Variants in MYO1E observed in about 807,000 individuals in gnomAD.
The protein encoded by MYO1E is unconventional myosin-Ie.
Under a neutral mutation model 151.1 loss-of-function variants are expected in MYO1E, and 68 were observed. The observed-to-expected ratio is 0.45, with a 90% confidence interval of 0.37 to 0.55. The LOEUF (loss-of-function observed/expected upper bound fraction) is 0.55. Among genes scored for constraint, MYO1E ranks in the 20% least tolerant of loss-of-function variants. The pLI, the probability that MYO1E is intolerant of heterozygous loss-of-function variation, is 0.00. For missense variants in MYO1E, 1,363 were observed against 1,389.3 expected (o/e 0.98, Z 0.30); for synonymous variants, 601 against 501.7 (o/e 1.20, Z -2.64).
At chr15:59,208,060 GA>G (rs760114096) in intron 14 of MYO1E, 2 of 1,584,156 alleles carry the variant, frequency 1.3e-6, no homozygotes, top group African/African-American at 2.7e-5. Flanking sequence ...AACACTCTGG[GA>G]AATTCAGAAT....
In MYO1E at chr15:59,245,232, G is replaced by A. The variant is rs941955321; in HGVS notation, c.333-8560C>T. ...AGGCAGGAAGATAGCTTGAGAATCC[G>A]GAGACACCTGATGGTGCCACAGCAA... On this transcript the variant is annotated intron_variant, in intron 4 of 27. Coordinates refer to ENST00000288235, the MANE Select transcript of MYO1E (RefSeq NM_004998.4). Among the ~76,000 whole-genome samples, 7 of 152,292 alleles carry A rather than the reference G, an allele frequency of 4.6e-5. No individual in the cohort carries two copies. The East Asian group carries it at 9.6e-4, about 21-fold the overall frequency.
intron 18 of MYO1E, among the ~76,000 whole-genome samples, chr15:59,182,713 T>C (rs573680131): frequency 6.6e-6 from 1 of 151,938 alleles, no homozygotes; most frequent in Non-Finnish European, 1.5e-5. Flanking sequence ...CTACTCAGAG[T>C]GCGGCACAGC....
chr15:59,202,366 T>C lies in MYO1E; in HGVS notation c.1658A>G (p.Asp553Gly). Residue 553 changes from aspartate to glycine, a missense_variant, in exon 16 of 28, where the codon GAC becomes GGC. Transcript: ENST00000288235. ...KSLFPENLQA[D>G]KKGRPTTAGS... ...GGCAGTAGTTGGGCGCCCTTTCTTG[T>C]CAGCCTGCAGATTTTCCGGAAATAA... 6.2e-7 allele frequency: 1 copy of C among 1,614,146 alleles called. No homozygotes were observed. Among genetic ancestry groups the C allele is most frequent in the Non-Finnish European group, 8.5e-7 (1 of 1,180,004 alleles).
At position 59,137,002 on chromosome 15, in the gene MYO1E, A is replaced by C. The variant is rs1165025643; in HGVS notation, c.*378T>G. On this transcript the variant is annotated 3_prime_UTR_variant, in exon 28 of 28. Coordinates refer to ENST00000288235, the MANE Select transcript of MYO1E (RefSeq NM_004998.4). Reference sequence around the variant, plus strand: ...AGAAATGTGCTCTTCAACTAAAGGCACTTGTCAGCGGCCACCTACAGCCAT... The same window carrying C: ...AGAAATGTGCTCTTCAACTAAAGGCCCTTGTCAGCGGCCACCTACAGCCAT... The C allele has an allele frequency of 8.2e-6, 3 of 365,190 alleles. No individual in the cohort carries two copies. Among genetic ancestry groups the C allele is most frequent in the Non-Finnish European group, 1.6e-5 (3 of 186,626 alleles). The allele number at this position is 365,190 out of a possible 1,614,324, so 22.6% of individuals were successfully genotyped here.
intron 2 of MYO1E, among the ~76,000 whole-genome samples, chr15:59,268,720 ATTTTTTTTTTTTTT>A (rs398027512): frequency 2.2e-5 from 1 of 44,906 alleles, no homozygotes; most frequent in Non-Finnish European, 4.9e-5. Flanking sequence ...TGACTTTGGT[ATTTTTTTTTTTTTT>A]TTTTTTTGCT....
At chr15:59,318,642 T>G (rs191549050) in intron 1 of MYO1E, among the ~76,000 whole-genome samples, 1 of 152,264 alleles carries the variant, frequency 6.6e-6, no homozygotes. Context: ...TTACTGCAGT[T>G]TGGGGGTAGA....
At chr15:59,238,852 T>A (rs2080082056) in intron 4 of MYO1E, among the ~76,000 whole-genome samples, 1 of 151,956 alleles carries the variant, frequency 6.6e-6, no homozygotes, top group South Asian at 2.1e-4. Context: ...ATTACAGGTG[T>A]GAGCCACGAC....
intron 6 of MYO1E, 54 bp from the exon 7 acceptor site, chr15:59,227,644 C>A (rs1170232749): frequency 1.3e-6 from 2 of 1,599,938 alleles, no homozygotes; most frequent in African/African-American, 2.7e-5. Flanking sequence ...ACATGATGTC[C>A]CAAACAGGCT....
intron 17 of MYO1E, among the ~76,000 whole-genome samples, chr15:59,194,973 G>A (rs1202204854): frequency 3.3e-5 from 5 of 152,250 alleles, no homozygotes; most frequent in Non-Finnish European, 4.4e-5. Flanking sequence ...GGTGCTTAGG[G>A]GGAATGCCAG....
At chr15:59,218,214 C>T (rs1227900836) in intron 9 of MYO1E, 127 bp from the exon 10 acceptor site, 2 of 1,107,538 alleles carry the variant, frequency 1.8e-6, no homozygotes, top group South Asian at 1.3e-5. Context: ...AATCACGGGC[C>T]CCAAGAGCTT....
chr15:59,214,045 C>T lies in MYO1E; in HGVS notation c.1275+183G>A, dbSNP rs144591104. ...TAAAGAAGAAGGCAAATGCTGCAGACGGTATTTATATTTCATAGATTAAAA... is the reference window on the plus strand; with the variant it reads ...TAAAGAAGAAGGCAAATGCTGCAGATGGTATTTATATTTCATAGATTAAAA... On this transcript the variant is annotated intron_variant, in intron 12 of 27. Transcript: ENST00000288235. Among the ~76,000 whole-genome samples, 288 of 152,220 alleles carry T rather than the reference C, an allele frequency of 1.9e-3. 1 individual carries two copies. Among genetic ancestry groups the T allele is most frequent in the African/African-American group, 4.9e-3 (205 of 41,518 alleles).
intron 10 of MYO1E, among the ~76,000 whole-genome samples, chr15:59,217,540 T>TTTTTTTA (rs2079926795): frequency 7.2e-6 from 1 of 139,840 alleles, no homozygotes; most frequent in Admixed American, 7.1e-5. Flanking sequence ...TTTTTTTTTT[T>TTTTTTTA]TGGGAGATAG....
chr15:59,224,961 A>C, intron 7 of MYO1E, 138 bp from the exon 8 acceptor site: 2 of 1,150,172 alleles, frequency 1.7e-6, no homozygotes, highest in Non-Finnish European at 2.5e-6. Flanking sequence ...GCCCCCAAAT[A>C]TGTACTTGTA....
Position 59,236,364 on chromosome 15 carries a change from ATAT to A in MYO1E, c.420+218_420+220del, listed in dbSNP as rs1412074100. Among the ~76,000 whole-genome samples the A allele has an allele frequency of 3.3e-3, 160 of 48,544 alleles. 7 individuals carry two copies. The highest frequency in any genetic ancestry group is 5.3e-3 in the Non-Finnish European group (130 of 24,524). 31.8% of individuals were successfully genotyped at this position (48,544 alleles called of 152,430 possible). The stretch of plus-strand genomic sequence containing the variant: ...CTGTCTCAAAAAAGAAAAAAAAAAA[ATAT>A]ATACACACACACACACACACACACA... On this transcript the variant is annotated intron_variant, in intron 5 of 27. Coordinates refer to ENST00000288235, the MANE Select transcript of MYO1E (RefSeq NM_004998.4).
chr15:59,218,770 GTCAAGAGA>G (rs1284514481), intron 9 of MYO1E, among the ~76,000 whole-genome samples: 1 of 152,202 alleles, frequency 6.6e-6, no homozygotes, highest in African/African-American at 2.4e-5. Flanking sequence ...TGCTGGGGTA[GTCAAGAGA>G]TTTGAGCTGG....
intron 1 of MYO1E, among the ~76,000 whole-genome samples, chr15:59,359,263 T>A (rs1370960068): frequency 1.5e-5 from 2 of 129,860 alleles, no homozygotes; most frequent in Non-Finnish European, 3.3e-5. Flanking sequence ...CTGTAAAATA[T>A]ATATATATTT....
At chr15:59,182,490 GGCA>G (rs2079669752) in intron 18 of MYO1E, among the ~76,000 whole-genome samples, 1 of 152,170 alleles carries the variant, frequency 6.6e-6, no homozygotes, top group Non-Finnish European at 1.5e-5. Flanking sequence ...TGCGATTATA[GGCA>G]TTGAGCCATC....
Position 59,227,430 on chromosome 15 carries a change from G to T in MYO1E, c.642+29C>A, listed in dbSNP as rs1436971527. 3 of 1,613,614 alleles carry T rather than the reference G, an allele frequency of 1.9e-6. No individual in the cohort carries two copies. In the African/African-American group the frequency reaches 4.0e-5, roughly 22 times the overall value. ...TTTTAATGTAGAGAAGGGACAGGAA[G>T]TGGGTAGGAAAAAAGTAAACAGGAA... On this transcript the variant is annotated intron_variant, in intron 7 of 27. Coordinates refer to ENST00000288235, the MANE Select transcript of MYO1E (RefSeq NM_004998.4).
At chr15:59,263,407 A>G (rs374521180) in intron 2 of MYO1E, among the ~76,000 whole-genome samples, 1 of 152,228 alleles carries the variant, frequency 6.6e-6, no homozygotes, top group African/African-American at 2.4e-5. Flanking sequence ...TTATCATGTA[A>G]TATCTCAAAT....
Sources: gnomAD v4.1 joint callset for allele counts (sites outside exome capture counted in the v4.1 genomes callset) on GRCh38, gnomAD v4.1.1 for gene constraint, MANE v1.5 for transcripts, NCBI Gene and HGNC (gene_info 2026-07-23, HGNC 2026-07-21) for gene names.